The following SLAIN2 variants were observed in gnomAD, a reference collection of about 807,000 sequenced individuals.
SLAIN2 encodes the protein SLAIN motif-containing protein 2.
A neutral mutation model predicts 56.6 loss-of-function variants in SLAIN2; 31 were observed. The observed-to-expected ratio is 0.55, with a 90% confidence interval of 0.41 to 0.74. The LOEUF is 0.74. Ranked by LOEUF, SLAIN2 falls within the 30% of genes least tolerant of loss-of-function variation. The probability of loss-of-function intolerance (pLI) is 0.00; values close to 1 mark genes in which losing one functional copy is unlikely to be tolerated. For missense variants in SLAIN2, 777 were observed against 754.2 expected, an observed-to-expected ratio of 1.03 and a Z score of -0.35; for synonymous variants, 317 against 284.9, an observed-to-expected ratio of 1.11 and a Z score of -1.13.
chr4:48,362,399 G>C (rs1311996951), intron 1 of SLAIN2, among the ~76,000 whole-genome samples: 3 of 149,650 alleles, frequency 2.0e-5, no homozygotes, highest in Non-Finnish European at 4.4e-5. Context: ...CTCTCTCTCT[G>C]TCTCTGTCTC....
At chr4:48,345,678 A>ATT (rs570732278) in intron 1 of SLAIN2, among the ~76,000 whole-genome samples, 2 of 149,638 alleles carry the variant, frequency 1.3e-5, no homozygotes, top group Non-Finnish European at 3.0e-5. Context: ...CTTTTATTTT[A>ATT]TTTTTTTTTA....
chr4:48,359,013 G>A (rs1416064423), intron 1 of SLAIN2, among the ~76,000 whole-genome samples: 1 of 152,268 alleles, frequency 6.6e-6, no homozygotes, highest in South Asian at 2.1e-4. Flanking sequence ...GAGCCACCAC[G>A]CCCAGCCTAA....
intron 1 of SLAIN2, among the ~76,000 whole-genome samples, chr4:48,359,818 C>T (rs1715267947): frequency 6.6e-6 from 1 of 152,146 alleles, no homozygotes; most frequent in African/African-American, 2.4e-5. Context: ...TTCTTAATTA[C>T]ATTTCTAATA....
intron 2 of SLAIN2, among the ~76,000 whole-genome samples, chr4:48,373,123 A>G (rs547306960): frequency 6.6e-6 from 1 of 152,146 alleles, no homozygotes; most frequent in Non-Finnish European, 1.5e-5. Flanking sequence ...TTTTCTACCC[A>G]TCTTTTAAAA....
At chr4:48,400,676 CA>C (rs1378776490) in intron 6 of SLAIN2, among the ~76,000 whole-genome samples, 3 of 152,144 alleles carry the variant, frequency 2.0e-5, no homozygotes, top group African/African-American at 7.2e-5. Flanking sequence ...GTTGGGATTA[CA>C]GGCGTGAGCC....
chr4:48,384,966 T>G (rs1330829891), intron 6 of SLAIN2, among the ~76,000 whole-genome samples: 3 of 152,144 alleles, frequency 2.0e-5, no homozygotes, highest in African/African-American at 7.2e-5. Flanking sequence ...ATGTTAAATC[T>G]TTATTAAATA....
chr4:48,409,042 T>C (rs1270149353), intron 6 of SLAIN2, among the ~76,000 whole-genome samples: 1 of 152,180 alleles, frequency 6.6e-6, no homozygotes. Context: ...CCATAGACTA[T>C]TTTTAAAAAT....
intron 6 of SLAIN2, among the ~76,000 whole-genome samples, chr4:48,399,691 T>C (rs1021891538): frequency 2.0e-5 from 3 of 152,206 alleles, no homozygotes; most frequent in Non-Finnish European, 4.4e-5. Context: ...ATACATAGTA[T>C]ATTGAGAGTT....
rs191382932 is a variant in SLAIN2 at position 48,404,850 on chromosome 4, G to T, written c.1361-15275G>T. On this transcript the variant is annotated intron_variant, in intron 6 of 7. Transcript: ENST00000264313. ...CTCATTATATTTTTATTGTTCCCTG[G>T]CCCACATGTTTATAAATGAGTCAAA... is the stretch of plus-strand genomic sequence containing the variant. Among the ~76,000 whole-genome samples, 198 of 152,072 alleles carry T rather than the reference G, an allele frequency of 1.3e-3. 1 individual carries two copies. The highest frequency in any genetic ancestry group is 4.7e-3 in the African/African-American group (193 of 41,482).
intron 1 of SLAIN2, among the ~76,000 whole-genome samples, chr4:48,356,627 A>C (rs1715163502): frequency 6.6e-6 from 1 of 152,194 alleles, no homozygotes; most frequent in Non-Finnish European, 1.5e-5. Context: ...TGATTGATGC[A>C]GTCTAGGTTG....
intron 2 of SLAIN2, among the ~76,000 whole-genome samples, chr4:48,374,149 A>G (rs1277528086): frequency 2.0e-5 from 3 of 152,214 alleles, no homozygotes. Context: ...AAGAGTAAGG[A>G]AAGGAGAGAT....
chr4:48,392,320 G>A (rs1271594947), intron 6 of SLAIN2, among the ~76,000 whole-genome samples: 2 of 152,154 alleles, frequency 1.3e-5, no homozygotes, highest in Non-Finnish European at 1.5e-5. Context: ...GATAACTGTT[G>A]TTATTACAAT....
rs545881129 is a variant in SLAIN2, at chr4:48,374,782, G to T, written c.539-3114G>T. Among the ~76,000 whole-genome samples the T allele has an allele frequency of 2.0e-5, 3 of 152,232 alleles. No individual in the cohort carries two copies. In the South Asian group the frequency reaches 6.2e-4, roughly 32 times the overall value. On this transcript the variant is annotated intron_variant, in intron 2 of 7. Coordinates refer to ENST00000264313, the MANE Select transcript of SLAIN2 (RefSeq NM_020846.2). ...AGCATAGTAGATATGGTAATAAAAG[G>T]GAATGAACCAAATATGAGGAAATGG... is the stretch of plus-strand genomic sequence containing the variant.
At position 48,379,745 on chromosome 4, in the gene SLAIN2, TAGTG is replaced by T; in HGVS notation, c.763_766del (p.Glu255Ter). ...CACTCAGTCCTCAGTCCTCTATAGA[TAGTG>T]AGTTAAGTGCTTCAGAATTAGATGA... On this transcript the variant is annotated frameshift_variant, in exon 4 of 8. Transcript: ENST00000264313. LOFTEE classifies it high-confidence loss of function. 6.3e-7 allele frequency: 1 copy of T among 1,592,648 alleles called. No homozygotes were observed. Among genetic ancestry groups the T allele is most frequent in the Non-Finnish European group, 8.5e-7 (1 of 1,171,244 alleles).
In SLAIN2 at chr4:48,396,590, G is replaced by C. The variant is rs369917602; in HGVS notation, c.1360+12806G>C. On this transcript the variant is annotated intron_variant, in intron 6 of 7. Coordinates refer to ENST00000264313, the MANE Select transcript of SLAIN2 (RefSeq NM_020846.2). ...TTGACTGGCAGGAGCCTCTTCTCTT[G>C]TGGGGTTGTGAGGCACACAGGAGAC... Among the ~76,000 whole-genome samples the C allele has an allele frequency of 5.1e-4, 77 of 152,284 alleles. No individual in the cohort carries two copies. In the East Asian group the frequency reaches 8.5e-3, roughly 17 times the overall value.
intron 6 of SLAIN2, among the ~76,000 whole-genome samples, chr4:48,385,488 A>G (rs898331214): frequency 6.6e-6 from 1 of 152,196 alleles, no homozygotes; most frequent in Non-Finnish European, 1.5e-5. Context: ...TCAGTGGTTG[A>G]AGTGGTAGCT....
intron 6 of SLAIN2, among the ~76,000 whole-genome samples, chr4:48,399,124 TC>T (rs1388035042): frequency 6.6e-6 from 1 of 152,232 alleles, no homozygotes; most frequent in African/African-American, 2.4e-5. Context: ...TATTGATTCT[TC>T]CTATCCATGA....
chr4:48,347,281 G>GT (rs1714893692), intron 1 of SLAIN2, among the ~76,000 whole-genome samples: 2 of 152,224 alleles, frequency 1.3e-5, no homozygotes, highest in South Asian at 4.1e-4. Context: ...TGGACCAGGG[G>GT]TGGGGGTATA....
Position 48,369,864 on chromosome 4 carries a change from A to G in SLAIN2, c.405A>G (p.Pro135=), listed in dbSNP as rs1715619663. 3.1e-6 allele frequency: 5 copies of G among 1,613,118 alleles called. No homozygotes were observed. The highest frequency in any genetic ancestry group is 1.6e-4 in the Middle Eastern group (1 of 6,080). The stretch of plus-strand genomic sequence containing the variant: ...CTTCTTCTAGGCTGTATTCATCACC[A>G]AAGAAAAAACTTACACCAATGCAGA... ...EEEESWLYSS[P]KKKLTPMQKS... is the part of the protein sequence containing the mutation. The change falls in exon 2 of 8, where the codon CCA becomes CCG. Residue 135 remains proline, a synonymous_variant. Coordinates refer to ENST00000264313, the MANE Select transcript of SLAIN2 (RefSeq NM_020846.2).
Sources: allele counts gnomAD v4.1 joint callset (sites outside exome capture counted in the v4.1 genomes callset), GRCh38; gene constraint gnomAD v4.1.1; transcripts MANE v1.5; gene names NCBI Gene and HGNC (gene_info 2026-07-23, HGNC 2026-07-21).